CDH4: variants seen among roughly 807,000 people sequenced by gnomAD.
CDH4 encodes cadherin-4.
CDH4 carries 33 observed loss-of-function variants against 86.0 expected under a neutral mutation model. The observed-to-expected ratio is 0.38, with a 90% CI of 0.29 to 0.51. CDH4 has a LOEUF of 0.51. CDH4 is among the 20% of genes least tolerant of loss of function. CDH4 has a pLI of 0.86. For synonymous variants in CDH4, 555 were observed against 549.4 expected, an observed-to-expected ratio of 1.01 and a Z score of -0.14; for missense variants, 1,114 against 1,307.4, an observed-to-expected ratio of 0.85 and a Z score of 2.28.
chr20:61,665,391 G>A (rs2087311724), intron 2 of CDH4, among the ~76,000 whole-genome samples: 1 of 152,224 alleles, frequency 6.6e-6, no homozygotes, highest in Non-Finnish European at 1.5e-5. Context: ...TCAGTTAAGC[G>A]ATGCTAAAAA....
intron 2 of CDH4, among the ~76,000 whole-genome samples, chr20:61,410,164 A>G (rs1410439113): frequency 2.6e-5 from 4 of 152,198 alleles, no homozygotes; most frequent in South Asian, 2.1e-4. Flanking sequence ...TGCCTTTCCT[A>G]TATGTTATTA....
At chr20:61,531,446 C>T (rs1202467481) in intron 2 of CDH4, among the ~76,000 whole-genome samples, 1 of 133,806 alleles carries the variant, frequency 7.5e-6, no homozygotes, top group Admixed American at 8.7e-5. Context: ...GCACTCCAGC[C>T]TGGGCGACAG....
chr20:61,360,849 G>A (rs2084779555), intron 2 of CDH4, among the ~76,000 whole-genome samples: 1 of 152,220 alleles, frequency 6.6e-6, no homozygotes, highest in African/African-American at 2.4e-5. Context: ...CTGTATACTT[G>A]TGAACCGATA....
intron 2 of CDH4, among the ~76,000 whole-genome samples, chr20:61,431,825 C>T (rs528738814): frequency 4.6e-5 from 7 of 152,162 alleles, no homozygotes; most frequent in African/African-American, 1.2e-4. Flanking sequence ...CCCTGGCAAC[C>T]GGCTTATGGA....
At chr20:61,565,759 G>A (rs1270898529) in intron 2 of CDH4, among the ~76,000 whole-genome samples, 1 of 152,224 alleles carries the variant, frequency 6.6e-6, no homozygotes, top group African/African-American at 2.4e-5. Context: ...CCCTGGCAGA[G>A]GAGAAGCCTC....
rs6121720 is a variant in CDH4 at position 61,392,037 on chromosome 20, A to G, written c.169+137100A>G. On this transcript the variant is annotated intron_variant, in intron 2 of 15. Coordinates refer to ENST00000614565, the MANE Select transcript of CDH4 (RefSeq NM_001794.5). The surrounding 1 kb of genome is among the most constrained non-coding windows in gnomAD (Gnocchi z 5.7). ...ATAGGGGAGAGCTGGCTACTTCTCA[A>G]CCCTTCCCCCGCCTCGCTTGCCGTG... is the stretch of plus-strand genomic sequence containing the variant. Among the ~76,000 whole-genome samples, 37,762 of 151,714 alleles carry G rather than the reference A, an allele frequency of 0.25. 5,103 individuals are homozygous for G. The highest frequency in any genetic ancestry group is 0.35 in the African/African-American group (14,399 of 41,344).
intron 7 of CDH4, among the ~76,000 whole-genome samples, chr20:61,890,086 A>G (rs1984746004): frequency 6.8e-6 from 1 of 147,912 alleles, no homozygotes; most frequent in Non-Finnish European, 1.5e-5. Flanking sequence ...GGATGGATGG[A>G]TGGATGGATG....
intron 3 of CDH4, among the ~76,000 whole-genome samples, chr20:61,762,750 G>A (rs190461250): frequency 9.2e-5 from 14 of 152,338 alleles, no homozygotes; most frequent in Admixed American, 5.9e-4. Context: ...TCAGCATTGC[G>A]GGTTCACAGG....
chr20:61,499,393 G>A (rs547085587), intron 2 of CDH4: 58 of 1,211,062 alleles, frequency 4.8e-5, no homozygotes, highest in Non-Finnish European at 5.4e-5. Flanking sequence ...AAGGTTATGC[G>A]GGACTGGGGT....
intron 4 of CDH4, among the ~76,000 whole-genome samples, chr20:61,809,656 G>A (rs944625965): frequency 2.0e-5 from 3 of 152,230 alleles, no homozygotes; most frequent in African/African-American, 7.2e-5. Context: ...ATGGGCAGAT[G>A]AGGAGGCCAA....
At chr20:61,539,105 T>C (rs1407812269) in intron 2 of CDH4, among the ~76,000 whole-genome samples, 2 of 152,118 alleles carry the variant, frequency 1.3e-5, no homozygotes, top group Non-Finnish European at 2.9e-5. Context: ...GAACTTGAGA[T>C]ACTCCACACG....
intron 2 of CDH4, among the ~76,000 whole-genome samples, chr20:61,448,557 TG>T (rs766846224): frequency 9.2e-5 from 14 of 152,136 alleles, no homozygotes; most frequent in Non-Finnish European, 1.6e-4. Context: ...GGGAAGATAA[TG>T]GGTGTCTCTG....
intron 2 of CDH4, among the ~76,000 whole-genome samples, chr20:61,287,437 T>C (rs370645985): frequency 6.6e-6 from 1 of 152,210 alleles, no homozygotes; most frequent in East Asian, 1.9e-4. Context: ...ATTATGCCAC[T>C]GCACCCCAGT....
intron 2 of CDH4, among the ~76,000 whole-genome samples, chr20:61,627,548 T>A (rs774795024): frequency 3.3e-5 from 5 of 152,178 alleles, no homozygotes; most frequent in Admixed American, 6.5e-5. Flanking sequence ...GCGGAGCAGA[T>A]GTGCCCGCAT....
intron 4 of CDH4, among the ~76,000 whole-genome samples, chr20:61,779,166 G>T (rs765739931): frequency 6.6e-6 from 1 of 152,196 alleles, no homozygotes; most frequent in African/African-American, 2.4e-5. Flanking sequence ...CTATTGCTTG[G>T]CTGAGTCTAA....
intron 2 of CDH4, among the ~76,000 whole-genome samples, chr20:61,344,555 A>G (rs2084666620): frequency 1.3e-5 from 2 of 152,072 alleles, no homozygotes; most frequent in Non-Finnish European, 2.9e-5. Flanking sequence ...TTTGTTTTCT[A>G]TATTTGCCAT....
intron 2 of CDH4, among the ~76,000 whole-genome samples, chr20:61,686,681 TTGTG>T (rs199532663): frequency 0.025 from 3,434 of 138,090 alleles, 121 homozygotes; most frequent in African/African-American, 0.086. Flanking sequence ...GCGTGTGCAT[TTGTG>T]TGTGCATGTG....
intron 2 of CDH4, among the ~76,000 whole-genome samples, chr20:61,345,158 G>A (rs537063059): frequency 6.6e-6 from 1 of 152,334 alleles, no homozygotes; most frequent in South Asian, 2.1e-4. Flanking sequence ...AACCTAATGG[G>A]TTCCATGTGT....
At chr20:61,461,681 C>G (rs2145559313) in intron 2 of CDH4, among the ~76,000 whole-genome samples, 1 of 152,258 alleles carries the variant, frequency 6.6e-6, no homozygotes, top group East Asian at 1.9e-4. Flanking sequence ...GGAATTTGTG[C>G]CTGTCCTCCT....
Sources: gnomAD v4.1 joint callset for allele counts (sites outside exome capture counted in the v4.1 genomes callset) on GRCh38, gnomAD v4.1.1 for gene constraint, Gnocchi (gnomAD v3.1) non-coding constraint, MANE v1.5 for transcripts, NCBI Gene and HGNC (gene_info 2026-07-23, HGNC 2026-07-21) for gene names.